POLI: variants seen among roughly 807,000 people sequenced by gnomAD.
POLI encodes RAD30 homolog B.
In POLI, 58 loss-of-function variants were observed where a neutral mutation model predicts 51.6. The observed-to-expected ratio is 1.12, with a 90% confidence interval of 0.91 to 1.40. POLI has a LOEUF of 1.40. Among genes scored for constraint, POLI ranks in the 40% most tolerant of loss-of-function variants. POLI has a pLI of 0.00. For synonymous variants in POLI, 322 were observed against 299.7 expected (o/e 1.07, Z -0.77); for missense variants, 921 against 871.3 (o/e 1.06, Z -0.72).
chr18:54,269,884 A>G, intron 1 of POLI: 1 of 1,277,628 alleles, frequency 7.8e-7, no homozygotes, highest in Non-Finnish European at 9.9e-7. Flanking sequence ...CACTACAAAT[A>G]CGTGTCGAGG....
At chr18:54,316,176 GAA>G (rs2088732277) in intron 3 of POLI, among the ~76,000 whole-genome samples, 1 of 152,230 alleles carries the variant, frequency 6.6e-6, no homozygotes, top group Non-Finnish European at 1.5e-5. Flanking sequence ...TGGCTTCCCA[GAA>G]AGTTGGGATT....
chr18:54,297,402 G>A lies in POLI; in HGVS notation c.*2935G>A. The A allele has an allele frequency of 2.0e-6, 2 of 983,426 alleles. No individual in the cohort carries two copies. The highest frequency in any genetic ancestry group is 1.2e-6 in the Non-Finnish European group (1 of 828,486). The allele number at this position is 983,426 out of a possible 1,614,324, so 60.9% of individuals were successfully genotyped here. A position where few individuals can be genotyped will look rare whatever the true frequency, so the allele number is the denominator to read the frequency against. On this transcript the variant is annotated 3_prime_UTR_variant, in exon 10 of 10. Transcript: ENST00000579534. ...GAGGGGGTTTCTGTCTTGAGTGTAG[G>A]CCTGGAGATTTCCCTTATATGGTAC... is the stretch of plus-strand genomic sequence containing the variant.
chr18:54,298,109 A>G lies in POLI; in HGVS notation c.*3642A>G, dbSNP rs2144622705. ...TTCCATCAAATCTGGATTGTTTTCAATATTAAAAAAACTTCTATTTTAAAA... is the reference window on the plus strand; with the variant it reads ...TTCCATCAAATCTGGATTGTTTTCAGTATTAAAAAAACTTCTATTTTAAAA... On this transcript the variant is annotated 3_prime_UTR_variant, in exon 10 of 10. Coordinates refer to ENST00000579534, the MANE Select transcript of POLI (RefSeq NM_007195.3). The G allele has an allele frequency of 1.3e-5, 12 of 945,396 alleles. No homozygotes were observed. Among genetic ancestry groups the G allele is most frequent in the Non-Finnish European group, 1.5e-5 (12 of 793,498 alleles). 58.6% of individuals were successfully genotyped at this position (945,396 alleles called of 1,614,324 possible).
At chr18:54,286,437 G>A (rs1045867386) in intron 7 of POLI, among the ~76,000 whole-genome samples, 1 of 151,878 alleles carries the variant, frequency 6.6e-6, no homozygotes, top group Non-Finnish European at 1.5e-5. Flanking sequence ...ACTAAATATA[G>A]TATATGCTCT....
intron 7 of POLI, among the ~76,000 whole-genome samples, chr18:54,286,227 C>G (rs1171672285): frequency 1.3e-5 from 2 of 152,032 alleles, no homozygotes; most frequent in African/African-American, 2.4e-5. Context: ...GCAATACTTG[C>G]ATTTTATGTT....
chr18:54,306,613 C>G (rs1157112863), intron 3 of POLI, among the ~76,000 whole-genome samples: 1 of 152,140 alleles, frequency 6.6e-6, no homozygotes, highest in South Asian at 2.1e-4. Context: ...AGGATTCTCT[C>G]TTTTTCTGTT....
chr18:54,288,051 T>C (rs1272592665), intron 8 of POLI, among the ~76,000 whole-genome samples: 1 of 152,230 alleles, frequency 6.6e-6, no homozygotes, highest in Non-Finnish European at 1.5e-5. Flanking sequence ...CTTGGGTAGA[T>C]TTCAAAGAGT....
chr18:54,273,606 CTG>C (rs1248964009), intron 2 of POLI, among the ~76,000 whole-genome samples: 1 of 151,930 alleles, frequency 6.6e-6, no homozygotes, highest in Non-Finnish European at 1.5e-5. Flanking sequence ...ACTTTTAATT[CTG>C]TGTTATTCAG....
Position 54,271,456 on chromosome 18 carries a change from C to T in POLI, c.212C>T (p.Ser71Leu), listed in dbSNP as rs750988856. Residue 71 changes from serine to leucine, a missense_variant, in exon 2 of 10, where the codon TCA becomes TTA. By Grantham distance (145) the Ser-to-Leu change is moderately radical. Transcript: ENST00000579534. ...DCFYAQVEMI[S>L]NPELKDKPLG... Reference sequence around the variant, plus strand: ...TTTTATGCACAAGTAGAAATGATCTCAAATCCAGAGCTAAAAGACAAACCT... The same window carrying T: ...TTTTATGCACAAGTAGAAATGATCTTAAATCCAGAGCTAAAAGACAAACCT... 21 of 1,607,162 alleles carry T rather than the reference C, an allele frequency of 1.3e-5. No individual in the cohort carries two copies. The South Asian group carries it at 2.2e-4, about 17-fold the overall frequency.
chr18:54,313,504 G>C (rs563217243), intron 3 of POLI, among the ~76,000 whole-genome samples: 144 of 152,226 alleles, frequency 9.5e-4, no homozygotes, highest in African/African-American at 3.3e-3. Flanking sequence ...GACATTGGTA[G>C]TTTGATAGGA....
At chr18:54,279,952 A>G (rs2087424922) in intron 4 of POLI, among the ~76,000 whole-genome samples, 1 of 152,158 alleles carries the variant, frequency 6.6e-6, no homozygotes, top group African/African-American at 2.4e-5. Flanking sequence ...AAGTTTTGCC[A>G]ATGTCAGTAG....
chr18:54,314,602 C>A (rs1441660964), intron 3 of POLI, among the ~76,000 whole-genome samples: 1 of 151,952 alleles, frequency 6.6e-6, no homozygotes, highest in East Asian at 1.9e-4. Context: ...TCCATGTGGT[C>A]CAGGGCTTTT....
chr18:54,274,638 T>C (rs1373255993), intron 3 of POLI, among the ~76,000 whole-genome samples: 2 of 152,040 alleles, frequency 1.3e-5, no homozygotes, highest in East Asian at 3.8e-4. Flanking sequence ...CTTAGTGTTA[T>C]AGTAAATTAC....
rs183639024 is a variant in POLI, at chr18:54,290,530, G to A, written c.1199-1303G>A. Among the ~76,000 whole-genome samples the A allele has an allele frequency of 4.6e-5, 7 of 152,258 alleles. No individual in the cohort carries two copies. In the East Asian group the frequency reaches 7.7e-4, roughly 17 times the overall value. On this transcript the variant is annotated intron_variant, in intron 8 of 9. Coordinates refer to ENST00000579534, the MANE Select transcript of POLI (RefSeq NM_007195.3). ...TGCTACTATAAAGACACATGCACGC[G>A]TATGTTTATTGTGGCACTATTCACA...
intron 2 of POLI, among the ~76,000 whole-genome samples, chr18:54,272,500 C>T (rs1292700433): frequency 6.6e-6 from 1 of 152,096 alleles, no homozygotes; most frequent in East Asian, 1.9e-4. Context: ...GAGAAGGGGT[C>T]TCACTCTGTA....
rs529767325 is a variant in POLI, at chr18:54,277,963, G to T, written c.559+108G>T. ...GAAAGATTCATGACTTTTGTTGGAG[G>T]TATAGTTATATTTAGTCAGTAATCT... On this transcript the variant is annotated intron_variant, in intron 4 of 9. Transcript: ENST00000579534. 7.5e-5 allele frequency: 61 copies of T among 808,918 alleles called. No homozygotes were observed. In the African/African-American group the frequency reaches 8.9e-4, roughly 12 times the overall value. The allele number at this position is 808,918 out of a possible 1,614,324, so 50.1% of individuals were successfully genotyped here. A position where few individuals can be genotyped will look rare whatever the true frequency, so the allele number is the denominator to read the frequency against.
chr18:54,277,065 A>C (rs1162877251), intron 3 of POLI, among the ~76,000 whole-genome samples: 1 of 152,176 alleles, frequency 6.6e-6, no homozygotes, highest in Non-Finnish European at 1.5e-5. Flanking sequence ...GGTTCAGCTT[A>C]ATCTAGTAAA....
chr18:54,290,809 T>TCA (rs1348217035), intron 8 of POLI, among the ~76,000 whole-genome samples: 3 of 152,004 alleles, frequency 2.0e-5, no homozygotes, highest in Non-Finnish European at 4.4e-5. Flanking sequence ...GAGGAGAACA[T>TCA]CACACACCGG....
chr18:54,291,819 A>T lies in POLI; in HGVS notation c.1199-14A>T. ...ATATTAATTATAATGTTTATTCTTA[A>T]ACATTTTATTTAGGAAATTATGATG... On this transcript the variant is annotated splice_polypyrimidine_tract_variant and intron_variant, in intron 8 of 9. Coordinates refer to ENST00000579534, the MANE Select transcript of POLI (RefSeq NM_007195.3). 1 of 1,281,586 alleles carries T rather than the reference A, an allele frequency of 7.8e-7. No individual in the cohort carries two copies. The highest frequency in any genetic ancestry group is 1.1e-6 in the Non-Finnish European group (1 of 887,802). The allele number at this position is 1,281,586 out of a possible 1,614,324, so 79.4% of individuals were successfully genotyped here. A position where few individuals can be genotyped will look rare whatever the true frequency, so the allele number is the denominator to read the frequency against.
Sources: gnomAD v4.1 joint callset for allele counts (sites outside exome capture counted in the v4.1 genomes callset) on GRCh38, gnomAD v4.1.1 for gene constraint, MANE v1.5 for transcripts, NCBI Gene and HGNC (gene_info 2026-07-23, HGNC 2026-07-21) for gene names.